CHODL: variants seen among roughly 807,000 people sequenced by gnomAD.
The protein encoded by CHODL is transmembrane protein MT75.
A neutral mutation model predicts 34.5 loss-of-function variants in CHODL; 29 were observed. The ratio of observed to expected loss-of-function variants is 0.84; its 90% CI spans 0.63 to 1.15. The LOEUF is 1.15. CHODL is among the 50% of genes most tolerant of loss of function. CHODL has a pLI of 0.00. For synonymous variants in CHODL, 125 were observed against 116.1 expected (o/e 1.08, Z -0.49); for missense variants, 332 against 332.5 (o/e 1.00, Z 0.01).
chr21:17,929,323 CAT>C (rs1417573367), intron 1 of CHODL, among the ~76,000 whole-genome samples: 2 of 152,080 alleles, frequency 1.3e-5, no homozygotes, highest in Non-Finnish European at 2.9e-5. Flanking sequence ...ATTTTAATGA[CAT>C]ATTTAAAAAG....
chr21:17,952,514 G>A (rs1432787184), intron 1 of CHODL, among the ~76,000 whole-genome samples: 2 of 151,978 alleles, frequency 1.3e-5, no homozygotes, highest in Non-Finnish European at 2.9e-5. Context: ...AGAAAATAGA[G>A]TTTAGGATAA....
At chr21:18,171,257 A>C (rs1324090413) in intron 2 of CHODL, among the ~76,000 whole-genome samples, 1 of 105,110 alleles carries the variant, frequency 9.5e-6, no homozygotes, top group Non-Finnish European at 1.7e-5. Context: ...CAGACTGCGG[A>C]CTGCAGCGGC....
chr21:18,248,747 TATATATGTATATATGTTATATATA>T (rs1470308994), intron 1 of CHODL, among the ~76,000 whole-genome samples: 2 of 112,324 alleles, frequency 1.8e-5, no homozygotes, highest in African/African-American at 7.7e-5. Context: ...ATATGTATAA[TATATATGTATATATGTTATATATA>T]ATATATGTGT....
At chr21:18,208,395 T>A (rs2146718986) in intron 2 of CHODL, among the ~76,000 whole-genome samples, 1 of 152,320 alleles carries the variant, frequency 6.6e-6, no homozygotes, top group Middle Eastern at 3.4e-3. Context: ...CTGTGTTATC[T>A]TTAATTTCAT....
rs565214668 is a variant in CHODL at position 18,159,780 on chromosome 21, TG to T, written c.-44-96728del. ...TTAAAAATGGAGCACTTTTCCCAGCTGTGGTCAGAGAATCAGATAGATGGCA... is the reference window on the plus strand; with the variant it reads ...TTAAAAATGGAGCACTTTTCCCAGCTTGGTCAGAGAATCAGATAGATGGCA... On this transcript the variant is annotated intron_variant, in intron 2 of 6. Coordinates refer to the CHODL transcript ENST00000400127. 2.0e-5 allele frequency among the ~76,000 whole-genome samples: 3 copies of T among 152,272 alleles called. No homozygotes were observed. In the South Asian group the frequency reaches 6.2e-4, roughly 32 times the overall value.
At chr21:18,042,818 T>C (rs2064392736) in intron 2 of CHODL, among the ~76,000 whole-genome samples, 1 of 152,062 alleles carries the variant, frequency 6.6e-6, no homozygotes, top group South Asian at 2.1e-4. Flanking sequence ...GAATTTTCAA[T>C]GTGTCAGCTT....
chr21:17,930,249 C>T (rs556626328), intron 1 of CHODL, among the ~76,000 whole-genome samples: 47 of 152,054 alleles, frequency 3.1e-4, no homozygotes, highest in Non-Finnish European at 5.9e-5. Context: ...AGGGCTACCC[C>T]TGCCTGTGCA....
At position 18,080,613 on chromosome 21, in the gene CHODL, T is replaced by C. The variant is rs547442334; in HGVS notation, c.-45+52642T>C. Among the ~76,000 whole-genome samples the C allele has an allele frequency of 5.9e-5, 9 of 152,310 alleles. No homozygotes were observed. The South Asian group carries it at 1.0e-3, about 18-fold the overall frequency. ...GTTCTTTCCTGAGCATATATTTTTG[T>C]TGACTTCATCAAAGATCAGTTGGTT... is the stretch of plus-strand genomic sequence containing the variant. On this transcript the variant is annotated intron_variant, in intron 2 of 6. Coordinates refer to the CHODL transcript ENST00000400127.
At chr21:18,138,096 C>T (rs1176394323) in intron 2 of CHODL, among the ~76,000 whole-genome samples, 1 of 151,956 alleles carries the variant, frequency 6.6e-6, no homozygotes, top group African/African-American at 2.4e-5. Flanking sequence ...TTTTGTTACA[C>T]AACTTCATTA....
intron 2 of CHODL, among the ~76,000 whole-genome samples, chr21:18,204,026 A>G (rs1049880295): frequency 2.0e-5 from 3 of 152,122 alleles, no homozygotes; most frequent in African/African-American, 7.2e-5. Context: ...AGTGTCTTTT[A>G]TTACCTAACA....
intron 1 of CHODL, among the ~76,000 whole-genome samples, chr21:17,972,080 A>C (rs568871252): frequency 6.6e-5 from 10 of 152,210 alleles, no homozygotes; most frequent in Middle Eastern, 3.4e-3. Flanking sequence ...ATCTCAATAG[A>C]TGCAGAAAAA....
chr21:18,063,367 C>A (rs1019269532), intron 2 of CHODL, among the ~76,000 whole-genome samples: 2 of 152,130 alleles, frequency 1.3e-5, no homozygotes, highest in African/African-American at 4.8e-5. Context: ...AGCATACTGC[C>A]ACACTTTAGT....
intron 2 of CHODL, among the ~76,000 whole-genome samples, chr21:18,185,366 G>A (rs2073428511): frequency 6.6e-6 from 1 of 152,044 alleles, no homozygotes; most frequent in African/African-American, 2.4e-5. Context: ...TCTTTTTTAT[G>A]GCTGCATAGT....
chr21:18,194,505 C>T lies in CHODL; in HGVS notation c.-44-62004C>T, dbSNP rs192941399. Among the ~76,000 whole-genome samples the T allele has an allele frequency of 1.3e-3, 200 of 151,618 alleles. 3 individuals carry two copies. The highest frequency in any genetic ancestry group is 1.3e-3 in the Non-Finnish European group (86 of 67,936). ...TTCTCACGGCTATTTATTTTATTTA[C>T]GTAAATAAAACTTCTTGTGTTTCAA... On this transcript the variant is annotated intron_variant, in intron 2 of 6. Transcript: ENST00000400127.
chr21:17,919,461 C>T (rs1032480194), intron 1 of CHODL, among the ~76,000 whole-genome samples: 11 of 152,166 alleles, frequency 7.2e-5, no homozygotes, highest in African/African-American at 2.7e-4. Flanking sequence ...AGCAACAGCC[C>T]AAGCTGTTAC....
chr21:18,235,690 G>A (rs995649543), intron 2 of CHODL, among the ~76,000 whole-genome samples: 7 of 152,022 alleles, frequency 4.6e-5, no homozygotes, highest in African/African-American at 7.2e-5. Flanking sequence ...AATAAATTAC[G>A]TGTTCCAAAC....
chr21:18,144,064 C>T (rs1444595496), intron 2 of CHODL, among the ~76,000 whole-genome samples: 1 of 152,018 alleles, frequency 6.6e-6, no homozygotes, highest in Non-Finnish European at 1.5e-5. Context: ...AAGCTATTTA[C>T]ATGTAATTAG....
chr21:17,933,766 C>T lies in CHODL; in HGVS notation c.-145+16366C>T, dbSNP rs145222434. Among the ~76,000 whole-genome samples the T allele has an allele frequency of 5.2e-4, 79 of 152,184 alleles. No individual in the cohort carries two copies. The East Asian group carries it at 0.014, about 27-fold the overall frequency. On this transcript the variant is annotated intron_variant, in intron 1 of 6. Coordinates refer to the CHODL transcript ENST00000400127. ...ATACAGAAAGAAATAGTAGGCCGGGCGTGGTGGCTCACACCTGTAACCCCA... is the reference window on the plus strand; with the variant it reads ...ATACAGAAAGAAATAGTAGGCCGGGTGTGGTGGCTCACACCTGTAACCCCA...
chr21:18,136,832 AGTTTTT>A (rs2072740213), intron 2 of CHODL, among the ~76,000 whole-genome samples: 1 of 149,844 alleles, frequency 6.7e-6, no homozygotes, highest in African/African-American at 2.4e-5. Context: ...ATATATAAAT[AGTTTTT>A]GTTAGGAGCC....
Sources: gnomAD v4.1 joint callset for allele counts (sites outside exome capture counted in the v4.1 genomes callset) on GRCh38, gnomAD v4.1.1 for gene constraint, MANE v1.5 for transcripts, NCBI Gene and HGNC (gene_info 2026-07-23, HGNC 2026-07-21) for gene names.